DCBLD1: variants seen among roughly 807,000 people sequenced by gnomAD.
DCBLD1 encodes the protein discoidin, CUB and LCCL domain containing 1.
Under a neutral mutation model 71.5 loss-of-function variants are expected in DCBLD1, and 57 were observed. The observed-to-expected ratio is 0.80, with a 90% CI of 0.64 to 0.99. DCBLD1 has a LOEUF of 0.99. Among genes scored for constraint, DCBLD1 ranks in the 50% least tolerant of loss-of-function variants. The pLI, the probability that DCBLD1 is intolerant of heterozygous loss-of-function variation, is 0.00. For synonymous variants in DCBLD1, 380 were observed against 363.8 expected, an observed-to-expected ratio of 1.04 and a Z score of -0.51; for missense variants, 891 against 923.5, an observed-to-expected ratio of 0.96 and a Z score of 0.46.
At position 117,503,766 on chromosome 6, in the gene DCBLD1, G is replaced by A; in HGVS notation, c.113-1G>A. The A allele has an allele frequency of 6.2e-7, 1 of 1,613,768 alleles. No homozygotes were observed. The highest frequency in any genetic ancestry group is 8.5e-7 in the Non-Finnish European group (1 of 1,179,918). On this transcript the variant is annotated splice_acceptor_variant, in intron 1 of 14. Transcript: ENST00000338728. LOFTEE classifies it high-confidence loss of function. ...ATTCCCCCCTTCTTTTTCTTTACCA[G>A]GTGATGGCTGTGGACACCTAGTGAC...
Position 117,549,333 on chromosome 6 carries a change from A to G in DCBLD1, c.*894A>G. 1.0e-6 allele frequency: 1 copy of G among 985,436 alleles called. No homozygotes were observed. The highest frequency in any genetic ancestry group is 1.2e-6 in the Non-Finnish European group (1 of 829,938). 61.0% of individuals were successfully genotyped at this position (985,436 alleles called of 1,614,324 possible). Reference sequence around the variant, plus strand: ...TCTGAAAAACAAAGTTATTTGGAACATGTTCATGCAAAAGTGATTCTGACC... The same window carrying G: ...TCTGAAAAACAAAGTTATTTGGAACGTGTTCATGCAAAAGTGATTCTGACC... On this transcript the variant is annotated 3_prime_UTR_variant, in exon 15 of 15. Transcript: ENST00000338728.
chr6:117,482,956 G>A (rs941404600), intron 1 of DCBLD1, 63 bp downstream of exon 1: 1 of 619,592 alleles, frequency 1.6e-6, no homozygotes, highest in African/African-American at 3.2e-5. Context: ...TGAGGGCTGC[G>A]GGGCGGGCCG....
intron 2 of DCBLD1, among the ~76,000 whole-genome samples, chr6:117,518,918 G>A (rs1008144186): frequency 3.3e-5 from 5 of 152,154 alleles, no homozygotes; most frequent in Non-Finnish European, 7.4e-5. Context: ...TTGACTTGGA[G>A]CAGTCTTTTT....
chr6:117,564,713 C>CA (rs973608392), intron 14 of DCBLD1, among the ~76,000 whole-genome samples: 98 of 151,324 alleles, frequency 6.5e-4, no homozygotes, highest in African/African-American at 1.7e-3. Context: ...GCCTCAGTTA[C>CA]AAAAAAAAGG....
chr6:117,521,916 A>T (rs1280486012), intron 4 of DCBLD1, among the ~76,000 whole-genome samples: 1 of 152,232 alleles, frequency 6.6e-6, no homozygotes, highest in Non-Finnish European at 1.5e-5. Context: ...CCAAAACATC[A>T]GTAGGGCGGA....
intron 1 of DCBLD1, among the ~76,000 whole-genome samples, chr6:117,483,633 AT>A (rs1776981760): frequency 6.6e-6 from 1 of 151,922 alleles, no homozygotes; most frequent in Admixed American, 6.5e-5. Flanking sequence ...CCTGTCCAGC[AT>A]ATTAAAGCAG....
Position 117,533,515 on chromosome 6 carries a change from C to T in DCBLD1, c.719+1122C>T, listed in dbSNP as rs117057097. On this transcript the variant is annotated intron_variant, in intron 6 of 14. Transcript: ENST00000338728. ...TTGTTTAGTAGTATTTTCCTTCCCC[C>T]TCCTACTTTTTATTTAAGTGTATTT... Among the ~76,000 whole-genome samples, 352 of 152,308 alleles carry T rather than the reference C, an allele frequency of 2.3e-3. 2 individuals carry two copies. The highest frequency in any genetic ancestry group is 2.7e-3 in the South Asian group (13 of 4,830).
intron 14 of DCBLD1, among the ~76,000 whole-genome samples, chr6:117,559,731 A>C (rs1779547201): frequency 6.6e-6 from 1 of 152,104 alleles, no homozygotes. Flanking sequence ...TTAGTTATAA[A>C]ACCACCTAAA....
chr6:117,555,266 G>T (rs1328362283), intron 14 of DCBLD1, among the ~76,000 whole-genome samples: 1 of 151,946 alleles, frequency 6.6e-6, no homozygotes, highest in Non-Finnish European at 1.5e-5. Context: ...CTCTTTTATG[G>T]GTATTTCTCT....
At chr6:117,557,921 C>T (rs949579620) in intron 14 of DCBLD1, among the ~76,000 whole-genome samples, 1 of 152,178 alleles carries the variant, frequency 6.6e-6, no homozygotes, top group East Asian at 1.9e-4. Flanking sequence ...TAGGATTTAG[C>T]CCTAGTTACA....
At chr6:117,492,541 G>C (rs1777329317) in intron 1 of DCBLD1, among the ~76,000 whole-genome samples, 1 of 152,148 alleles carries the variant, frequency 6.6e-6, no homozygotes. Flanking sequence ...ATGCAATTAA[G>C]CCTGAAATTC....
intron 8 of DCBLD1, 57 bp downstream of exon 8, chr6:117,538,892 T>A: frequency 1.3e-6 from 2 of 1,537,996 alleles, no homozygotes; most frequent in East Asian, 4.7e-5. Context: ...TGTAAATGAC[T>A]CGTAGTTGAA....
chr6:117,532,337 G>A lies in DCBLD1; in HGVS notation c.663G>A (p.Gln221=), dbSNP rs751364552. Reference sequence around the variant, plus strand: ...TAGGTGGCCAGATCAGTGTGCTTCAGCGCAAAGGGATCAGTCGATATGAAG... The same window carrying A: ...TAGGTGGCCAGATCAGTGTGCTTCAACGCAAAGGGATCAGTCGATATGAAG... The part of the protein sequence containing the change: ...DELGGQISVL[Q]RKGISRYEGI... The change falls in exon 6 of 15, where the codon CAG becomes CAA. Residue 221 remains glutamine (Q), a synonymous_variant. Transcript: ENST00000338728. The A allele has an allele frequency of 6.2e-7, 1 of 1,613,748 alleles. No individual in the cohort carries two copies.
intron 2 of DCBLD1, among the ~76,000 whole-genome samples, chr6:117,513,100 G>T (rs1006466905): frequency 3.3e-5 from 5 of 152,180 alleles, no homozygotes; most frequent in African/African-American, 1.2e-4. Context: ...TGGGCACACA[G>T]TCCAGGAGAA....
Position 117,569,655 on chromosome 6 carries a change from C to T in DCBLD1, c.*31C>T, listed in dbSNP as rs116098352. ...TTGACTGCCAAAATAGCATCCCCAA[C>T]GTGCAGCCCTCCGCATCTATCAGCA... is the stretch of plus-strand genomic sequence containing the variant. On this transcript the variant is annotated 3_prime_UTR_variant, in exon 15 of 15. Transcript: ENST00000296955. 8.7e-6 allele frequency: 14 copies of T among 1,612,618 alleles called. No homozygotes were observed. The East Asian group carries it at 1.1e-4, about 13-fold the overall frequency.
At chr6:117,542,238 G>A (rs1401192852) in intron 11 of DCBLD1, among the ~76,000 whole-genome samples, 1 of 148,490 alleles carries the variant, frequency 6.7e-6, no homozygotes, top group East Asian at 2.0e-4. Context: ...GGTTGCCCAA[G>A]CCGAGATCAC....
Position 117,525,354 on chromosome 6 carries a change from T to C in DCBLD1, c.513-8T>C. ...TAAAATATAAATTATTTATTTTTCTTTTTCCAGCAAATTCTGCCCAGCTGG... is the reference window on the plus strand; with the variant it reads ...TAAAATATAAATTATTTATTTTTCTCTTTCCAGCAAATTCTGCCCAGCTGG... On this transcript the variant is annotated splice_region_variant and splice_polypyrimidine_tract_variant and intron_variant, in intron 4 of 14. Transcript: ENST00000338728. 6.9e-7 allele frequency: 1 copy of C among 1,451,872 alleles called. No homozygotes were observed. The highest frequency in any genetic ancestry group is 1.8e-4 in the Middle Eastern group (1 of 5,458). 89.9% of individuals were successfully genotyped at this position (1,451,872 alleles called of 1,614,324 possible).
intron 2 of DCBLD1, among the ~76,000 whole-genome samples, chr6:117,511,558 G>A (rs1214853512): frequency 6.6e-6 from 1 of 152,160 alleles, no homozygotes; most frequent in Non-Finnish European, 1.5e-5. Context: ...GTTACACTAG[G>A]AATGAGAGAA....
intron 2 of DCBLD1, among the ~76,000 whole-genome samples, chr6:117,506,176 C>A (rs1777836730): frequency 6.6e-6 from 1 of 152,088 alleles, no homozygotes. Context: ...ATCCACCTTC[C>A]AAGGTAAATA....
Sources: allele counts gnomAD v4.1 joint callset (sites outside exome capture counted in the v4.1 genomes callset), GRCh38; gene constraint gnomAD v4.1.1; transcripts MANE v1.5; gene names NCBI Gene and HGNC (gene_info 2026-07-23, HGNC 2026-07-21).